Variants in DHRSX observed in about 807,000 individuals in gnomAD.
DHRSX encodes the protein polyprenol dehydrogenase.
DHRSX carries 31 observed loss-of-function variants against 34.0 expected under a neutral mutation model. The ratio of observed to expected loss-of-function variants is 0.91; its 90% CI spans 0.69 to 1.23. DHRSX has a LOEUF of 1.23. Among genes scored for constraint, DHRSX ranks in the 50% most tolerant of loss-of-function variants. The probability of loss-of-function intolerance (pLI) is 0.00; values close to 1 mark genes in which losing one functional copy is unlikely to be tolerated. For missense variants in DHRSX, 414 were observed against 428.1 expected (o/e 0.97, Z 0.29); for synonymous variants, 201 against 183.8 (o/e 1.09, Z -0.76).
chrX:2,439,315 T>C (rs2044035519), intron 1 of DHRSX, among the ~76,000 whole-genome samples: 1 of 152,110 alleles, frequency 6.6e-6, no homozygotes, highest in Admixed American at 6.6e-5. Flanking sequence ...TGGAGCTTCA[T>C]ATATTCACAC....
chrX:2,291,599 T>A lies in DHRSX; in HGVS notation c.291A>T (p.Glu97Asp). Residue 97 changes from glutamate (E) to aspartate (D), a missense_variant, in exon 4 of 7, where the codon GAA becomes GAT. Glu to Asp is a conservative substitution (Grantham distance 45). Transcript: ENST00000334651. ...TGGAAGCCAAGTCACAGTATAAAAA[T>A]TCCACTGGAAAAGGACAACAACAAA... ...IKEETLNDKV[E>D]FLYCDLASMT... is the part of the protein sequence containing the mutation. 6.2e-7 allele frequency: 1 copy of A among 1,613,362 alleles called. No individual in the cohort carries two copies. Among genetic ancestry groups the A allele is most frequent in the Non-Finnish European group, 8.5e-7 (1 of 1,179,354 alleles).
At chrX:2,463,187 T>C (rs1373031406) in intron 1 of DHRSX, among the ~76,000 whole-genome samples, 1 of 152,126 alleles carries the variant, frequency 6.6e-6, no homozygotes, top group Non-Finnish European at 1.5e-5. Context: ...GAAGGTATTT[T>C]ATTTTAGCAG....
At position 2,273,570 on chromosome X, in the gene DHRSX, A is replaced by G. The variant is rs757600714; in HGVS notation, c.389-6623T>C. 2.6e-5 allele frequency among the ~76,000 whole-genome samples: 4 copies of G among 152,240 alleles called. No individual in the cohort carries two copies. In the East Asian group the frequency reaches 7.7e-4, roughly 29 times the overall value. The stretch of plus-strand genomic sequence containing the variant: ...AGACTGAGGGTGGGGCTGTGAGTGA[A>G]CCTGTCACCCAGGAAATGGCCACTG... On this transcript the variant is annotated intron_variant, in intron 4 of 6. Transcript: ENST00000334651.
intron 3 of DHRSX, among the ~76,000 whole-genome samples, chrX:2,304,063 G>GAACT (rs2042060041): frequency 9.9e-6 from 1 of 100,508 alleles, no homozygotes; most frequent in African/African-American, 3.2e-5. Flanking sequence ...ATGGATGGAT[G>GAACT]GGTGGATGGA....
chrX:2,394,233 G>A (rs1164224096), intron 3 of DHRSX, among the ~76,000 whole-genome samples: 1 of 152,178 alleles, frequency 6.6e-6, no homozygotes, highest in Admixed American at 6.5e-5. Context: ...CAGACAGCAG[G>A]CTCCCTGTGA....
intron 5 of DHRSX, among the ~76,000 whole-genome samples, chrX:2,256,381 C>T (rs1367123950): frequency 2.0e-5 from 3 of 151,336 alleles, no homozygotes; most frequent in African/African-American, 7.3e-5. Context: ...CTGCAACCTC[C>T]ACCTCCCGGG....
intron 3 of DHRSX, among the ~76,000 whole-genome samples, chrX:2,366,616 G>C (rs2042996932): frequency 6.6e-6 from 1 of 152,008 alleles, no homozygotes; most frequent in African/African-American, 2.4e-5. Context: ...TTCTTTTTCT[G>C]TGACACTGTC....
chrX:2,333,274 G>A (rs192274715), intron 3 of DHRSX, among the ~76,000 whole-genome samples: 111 of 152,214 alleles, frequency 7.3e-4, no homozygotes, highest in African/African-American at 2.6e-3. Context: ...ATACACACGT[G>A]GTGCAGCTGT....
chrX:2,461,668 G>A (rs1032348552), intron 1 of DHRSX, among the ~76,000 whole-genome samples: 9 of 151,986 alleles, frequency 5.9e-5, no homozygotes, highest in Admixed American at 3.9e-4. Context: ...CAGCCACCCA[G>A]GTAGCTGTGA....
At chrX:2,328,513 T>C (rs1350073212) in intron 3 of DHRSX, among the ~76,000 whole-genome samples, 5 of 151,404 alleles carry the variant, frequency 3.3e-5, no homozygotes, top group South Asian at 2.1e-4. Context: ...ACCCAGTCTA[T>C]GGTATTCTGT....
intron 3 of DHRSX, among the ~76,000 whole-genome samples, chrX:2,324,173 C>A (rs2042347798): frequency 6.6e-6 from 1 of 152,038 alleles, no homozygotes. Flanking sequence ...GACCAGATAC[C>A]TGCATGTGAT....
chrX:2,237,219 T>G (rs1489671106), intron 6 of DHRSX, among the ~76,000 whole-genome samples: 2 of 152,066 alleles, frequency 1.3e-5, no homozygotes, highest in South Asian at 2.1e-4. Context: ...TCCCAGTACC[T>G]GCATCCTTGA....
intron 3 of DHRSX, among the ~76,000 whole-genome samples, chrX:2,362,982 G>A (rs759266896): frequency 2.0e-4 from 21 of 103,542 alleles, no homozygotes; most frequent in South Asian, 1.3e-3. Flanking sequence ...GTATCATGCC[G>A]CCATTTTATC....
At chrX:2,222,283 C>G (rs949224098) in intron 6 of DHRSX, among the ~76,000 whole-genome samples, 4 of 152,216 alleles carry the variant, frequency 2.6e-5, no homozygotes, top group Non-Finnish European at 5.9e-5. Flanking sequence ...TCATTGGCCA[C>G]ATAATCAGAT....
intron 3 of DHRSX, among the ~76,000 whole-genome samples, chrX:2,338,423 G>A (rs1349187933): frequency 1.3e-5 from 2 of 151,820 alleles, no homozygotes; most frequent in Non-Finnish European, 2.9e-5. Flanking sequence ...AGAATCTACA[G>A]GCTCTGCTTT....
intron 4 of DHRSX, among the ~76,000 whole-genome samples, chrX:2,267,203 C>A (rs1157030588): frequency 1.3e-5 from 2 of 152,156 alleles, no homozygotes; most frequent in African/African-American, 2.4e-5. Flanking sequence ...AACCACAGGC[C>A]GGGCGCGGTG....
chrX:2,230,625 G>A (rs1289562154), intron 6 of DHRSX, among the ~76,000 whole-genome samples: 2 of 152,146 alleles, frequency 1.3e-5, no homozygotes, highest in African/African-American at 4.8e-5. Flanking sequence ...AGGAGAGGAC[G>A]CTTCACAATG....
intron 1 of DHRSX, among the ~76,000 whole-genome samples, chrX:2,479,574 G>A (rs1206409249): frequency 6.8e-6 from 1 of 147,474 alleles, no homozygotes; most frequent in African/African-American, 2.5e-5. Context: ...CTAAGAAAAC[G>A]GCCAAGGGAC....
At chrX:2,382,200 C>A (rs28585470) in intron 3 of DHRSX, among the ~76,000 whole-genome samples, 135,608 of 152,110 alleles carry the variant, frequency 0.89, 60,707 homozygotes, top group African/African-American at 0.97. Flanking sequence ...TTGGCTGAGC[C>A]AAGGGAGCTG....
Sources: gnomAD v4.1 joint callset for allele counts (sites outside exome capture counted in the v4.1 genomes callset) on GRCh38, gnomAD v4.1.1 for gene constraint, MANE v1.5 for transcripts, NCBI Gene and HGNC (gene_info 2026-07-23, HGNC 2026-07-21) for gene names.